The following RPL29 variants were observed in gnomAD, a reference collection of about 807,000 sequenced individuals.
The protein encoded by RPL29 is large ribosomal subunit protein eL29.
RPL29 carries 4 observed loss-of-function variants against 7.2 expected under a neutral mutation model. The ratio of observed to expected loss-of-function variants is 0.55; its 90% CI spans 0.27 to 1.26. The LOEUF (loss-of-function observed/expected upper bound fraction) is 1.26. RPL29 is among the 50% of genes most tolerant of loss of function. The pLI is 0.11. For missense variants in RPL29, 148 were observed against 209.1 expected (o/e 0.71, Z 1.80); for synonymous variants, 73 against 72.8 (o/e 1.00, Z -0.01).
chr3:51,994,938 C>T (rs764824446), intron 3 of RPL29, 104 bp downstream of exon 3: 2 of 1,005,762 alleles, frequency 2.0e-6, no homozygotes, highest in South Asian at 2.5e-5. Flanking sequence ...GCCAGTTAGG[C>T]TGTGCTCAGG....
chr3:51,995,086 C>T lies in RPL29; in HGVS notation c.58G>A (p.Gly20Ser), dbSNP rs1426495787. The change falls in exon 3 of 4, where the codon GGT becomes AGT. Residue 20 changes from glycine (G) to serine (S), a missense_variant. Gly to Ser is a moderately conservative substitution (Grantham distance 56). Transcript: ENST00000294189. ...HNQSRKWHRNGIKKPRSQRYE... is the reference protein window; with the variant it reads ...HNQSRKWHRNSIKKPRSQRYE... ...CTTTGTGATCGGGGTTTCTTGATAC[C>T]ATTTCTGTGCCATTTTCGGGCTGTG... The T allele has an allele frequency of 6.2e-7, 1 of 1,607,444 alleles. No individual in the cohort carries two copies. Among genetic ancestry groups the T allele is most frequent in the Admixed American group, 1.7e-5 (1 of 59,508 alleles).
Position 51,995,453 on chromosome 3 carries a change from C to T in RPL29, c.9G>A (p.Lys3=). The T allele has an allele frequency of 6.2e-7, 1 of 1,614,122 alleles. No homozygotes were observed. The highest frequency in any genetic ancestry group is 1.1e-5 in the South Asian group (1 of 91,070). MA[K]SKNHTTHNQS... ...GGTTGTGTGTGGTGTGGTTCTTGGA[C>T]TTGGCCATGTCTGCACCTGGAAGAC... is the stretch of plus-strand genomic sequence containing the variant. Residue 3 remains lysine, a synonymous_variant, in exon 2 of 4, where the codon AAG becomes AAA. Coordinates refer to ENST00000294189, the MANE Select transcript of RPL29 (RefSeq NM_000992.3).
chr3:51,995,158 G>C (rs781742693), intron 2 of RPL29, 52 bp from the exon 3 acceptor site: 2 of 1,489,460 alleles, frequency 1.3e-6, no homozygotes, highest in East Asian at 2.3e-5. Context: ...CCTCTAATAA[G>C]ACCACCCAAC....
intron 3 of RPL29, chr3:51,994,620 C>T: frequency 1.9e-6 from 1 of 523,444 alleles, no homozygotes; most frequent in Non-Finnish European, 3.5e-6. Flanking sequence ...TCAGCTCTCC[C>T]CTAGACCCTC....
chr3:51,994,166 C>A, intron 3 of RPL29, 40 bp from the exon 4 acceptor site: 1 of 1,551,336 alleles, frequency 6.4e-7, no homozygotes, highest in Non-Finnish European at 8.7e-7. Flanking sequence ...CATGTGGGTC[C>A]CCAAGTCTCT....
intron 3 of RPL29, 113 bp from the exon 4 acceptor site, chr3:51,994,239 A>C: frequency 7.4e-7 from 1 of 1,342,340 alleles, no homozygotes. Context: ...TCAACCTCAA[A>C]TGTGGAAATA....
chr3:51,993,884 C>A lies in RPL29; in HGVS notation c.345G>T (p.Gly115=). 2 of 1,596,362 alleles carry A rather than the reference C, an allele frequency of 1.3e-6. No individual in the cohort carries two copies. The highest frequency in any genetic ancestry group is 1.7e-5 in the Admixed American group (1 of 60,016). Residue 115 remains glycine, a synonymous_variant, in exon 4 of 4, where the codon GGG becomes GGT. Transcript: ENST00000294189. ...TGGCCTTTGGCCGGCACAGCCTGAG[C>A]CCCTTGGCAATACGGGCACGAGCAC... ...GKRARARIAK[G]LRLCRPKAKA... is the part of the protein sequence containing the mutation.
Position 51,993,787 on chromosome 3 carries a change from G to C in RPL29, c.442C>G (p.Pro148Ala). Residue 148 changes from proline to alanine, a missense_variant, in exon 4 of 4, where the codon CCC becomes GCC. By Grantham distance (27) the Pro-to-Ala change is conservative (BLOSUM62 -1). Coordinates refer to ENST00000294189, the MANE Select transcript of RPL29 (RefSeq NM_000992.3). ...TTTGTAGGGGCCTGGGTACGTTTGGGAGCCTGAGCTGGAACTGAAGCTGGG... is the reference window on the plus strand; with the variant it reads ...TTTGTAGGGGCCTGGGTACGTTTGGCAGCCTGAGCTGGAACTGAAGCTGGG... ...AAPASVPAQA[P>A]KRTQAPTKAS... is the part of the protein sequence containing the mutation. 1.3e-6 allele frequency: 2 copies of C among 1,596,106 alleles called. No individual in the cohort carries two copies. Among genetic ancestry groups the C allele is most frequent in the South Asian group, 1.1e-5 (1 of 90,924 alleles).
At chr3:51,994,525 A>C in intron 3 of RPL29, 1 of 339,228 alleles carries the variant, frequency 2.9e-6, no homozygotes, top group Non-Finnish European at 5.5e-6. Flanking sequence ...AAGGTGGGAT[A>C]TGGGGAAACT....
intron 3 of RPL29, 148 bp downstream of exon 3, chr3:51,994,894 T>A (rs1701294753): frequency 1.3e-6 from 1 of 797,528 alleles, no homozygotes; most frequent in Middle Eastern, 2.2e-4. Flanking sequence ...ATGGGTCTGG[T>A]AGGGTAGAAA....
chr3:51,994,126 C>T lies in RPL29; in HGVS notation c.103G>A (p.Val35Met). Residue 35 changes from valine (V) to methionine (M), a missense_variant and splice_region_variant, in exon 4 of 4, where the codon GTG becomes ATG. Transcript: ENST00000294189. ...ATGTTCCTCAGGAACTTGGGGTCCA[C>T]CTGAAAAGCAGGAAAGGTACAGGTG... ...RSQRYESLKGVDPKFLRNMRF... is the reference protein window; with the variant it reads ...RSQRYESLKGMDPKFLRNMRF... 6.3e-7 allele frequency: 1 copy of T among 1,592,076 alleles called. No individual in the cohort carries two copies. The highest frequency in any genetic ancestry group is 8.6e-7 in the Non-Finnish European group (1 of 1,168,496).
chr3:51,994,891 TG>T, intron 3 of RPL29, 150 bp downstream of exon 3: 1 of 794,798 alleles, frequency 1.3e-6, no homozygotes, highest in Non-Finnish European at 2.3e-6. Flanking sequence ...ATTATGGGTC[TG>T]GTAGGGTAGA....
chr3:51,995,619 G>T, intron 1 of RPL29, 150 bp from the exon 2 acceptor site: 2 of 717,040 alleles, frequency 2.8e-6, no homozygotes, highest in Non-Finnish European at 4.8e-6. Context: ...GCCAGTCCTG[G>T]CCTCCCAAAC....
chr3:51,995,302 T>C (rs1701299983), intron 2 of RPL29, 123 bp downstream of exon 2: 1 of 1,162,336 alleles, frequency 8.6e-7, no homozygotes, highest in African/African-American at 1.5e-5. Flanking sequence ...CCTAAAGTTA[T>C]TACTGGGTGA....
chr3:51,995,325 T>C, intron 2 of RPL29, 100 bp downstream of exon 2: 2 of 1,331,292 alleles, frequency 1.5e-6, no homozygotes, highest in East Asian at 2.3e-5. Context: ...TCAATCAGCC[T>C]CAGGCCCACA....
rs1701275000 is a variant in RPL29, at chr3:51,993,632, G to GA, written c.*116_*117insT. On this transcript the variant is annotated 3_prime_UTR_variant, in exon 4 of 4. Coordinates refer to ENST00000294189, the MANE Select transcript of RPL29 (RefSeq NM_000992.3). The stretch of plus-strand genomic sequence containing the variant: ...TCATAGACAGAGGCTAACAAATCCT[G>GA]CCTCAGGTTTATTTGTACAAATAGC... 1.8e-6 allele frequency: 2 copies of GA among 1,100,160 alleles called. No homozygotes were observed. The highest frequency in any genetic ancestry group is 2.6e-6 in the Non-Finnish European group (2 of 770,836). 68.1% of individuals were successfully genotyped at this position (1,100,160 alleles called of 1,614,324 possible).
Position 51,993,775 on chromosome 3 carries a change from G to A in RPL29, c.454C>T (p.Gln152Ter). 1 of 1,595,574 alleles carries A rather than the reference G, an allele frequency of 6.3e-7. No homozygotes were observed. Among genetic ancestry groups the A allele is most frequent in the Non-Finnish European group, 8.5e-7 (1 of 1,179,254 alleles). Residue 152 changes from glutamine (Q) to a stop codon, truncating the protein, a stop_gained, in exon 4 of 4, where the codon CAG becomes TAG. Transcript: ENST00000294189. LOFTEE classifies it high-confidence loss of function. Reference protein sequence around the residue: ...SVPAQAPKRTQAPTKASE With the variant: ...SVPAQAPKRT The stretch of plus-strand genomic sequence containing the variant: ...TACTCTGAAGCCTTTGTAGGGGCCT[G>A]GGTACGTTTGGGAGCCTGAGCTGGA...
chr3:51,993,987 A>G lies in RPL29; in HGVS notation c.242T>C (p.Val81Ala). ...GACACCCTTTGGGATCTTGGGCTTAACCTCCTTGGGCTTTACGAGGGCCTT... is the reference window on the plus strand; with the variant it reads ...GACACCCTTTGGGATCTTGGGCTTAGCCTCCTTGGGCTTTACGAGGGCCTT... ...AIKALVKPKE[V>A]KPKIPKGVSR... is the part of the protein sequence containing the mutation. The change falls in exon 4 of 4, where the codon GTT (valine) becomes GCT (alanine). Residue 81 changes from valine to alanine, a missense_variant. Transcript: ENST00000294189. 3.8e-6 allele frequency: 6 copies of G among 1,597,592 alleles called. No individual in the cohort carries two copies. The highest frequency in any genetic ancestry group is 4.2e-6 in the Non-Finnish European group (5 of 1,179,700).
At position 51,993,953 on chromosome 3, in the gene RPL29, C is replaced by A. The variant is rs1701283498; in HGVS notation, c.276G>T (p.Lys92Asn). 6.3e-7 allele frequency: 1 copy of A among 1,596,696 alleles called. No individual in the cohort carries two copies. The highest frequency in any genetic ancestry group is 8.5e-7 in the Non-Finnish European group (1 of 1,179,792). ...GGGCAATGTAGGCAAGTCGATCGAG[C>A]TTGCGGCTGACACCCTTTGGGATCT... The part of the protein sequence containing the change: ...KPKIPKGVSR[K>N]LDRLAYIAHP... Residue 92 changes from lysine (K) to asparagine (N), a missense_variant, in exon 4 of 4, where the codon AAG becomes AAT. Lys to Asn is a moderately conservative substitution (Grantham distance 94). Transcript: ENST00000294189.
Sources: gnomAD v4.1 joint callset for allele counts on GRCh38, gnomAD v4.1.1 for gene constraint, MANE v1.5 for transcripts, NCBI Gene and HGNC (gene_info 2026-07-23, HGNC 2026-07-21) for gene names.